The following MAST4 variants were observed in gnomAD, a reference collection of about 807,000 sequenced individuals.
MAST4 encodes the protein microtubule-associated serine/threonine-protein kinase 4.
A neutral mutation model predicts 162.7 loss-of-function variants in MAST4; 89 were observed. The ratio of observed to expected loss-of-function variants is 0.55; its 90% CI spans 0.46 to 0.65. The LOEUF is 0.65. MAST4 is among the 30% of genes least tolerant of loss of function. The pLI is 0.00. For missense variants in MAST4, 3,153 were observed against 3,374.0 expected (o/e 0.93, Z 1.62); for synonymous variants, 1,479 against 1,361.1 (o/e 1.09, Z -1.91).
In MAST4 at chr5:67,163,367, A is replaced by G. The variant is rs1393153897; in HGVS notation, c.4188A>G (p.Pro1396=). ...AACCCACCTCCCCGCAGCGGTCACC[A>G]TCCCCTCTTCTGGGACACTCACTGG... ...TPQPTSPQRS[P]SPLLGHSLGN... Residue 1396 remains proline (P), a synonymous_variant, in exon 29 of 29, where the codon CCA becomes CCG. Coordinates refer to ENST00000403625, the MANE Select transcript of MAST4 (RefSeq NM_001164664.2). This position sits in a 1 kb window ranked among gnomAD's most constrained non-coding sequence, Gnocchi z 7.0. 3 of 1,612,514 alleles carry G rather than the reference A, an allele frequency of 1.9e-6. No homozygotes were observed. The South Asian group carries it at 3.3e-5, about 18-fold the overall frequency.
chr5:66,964,488 CT>C (rs1473027110), intron 4 of MAST4, among the ~76,000 whole-genome samples: 3 of 152,172 alleles, frequency 2.0e-5, no homozygotes, highest in Non-Finnish European at 4.4e-5. Flanking sequence ...CCCAGCGTCC[CT>C]TTCCCCTTTT....
intron 3 of MAST4, among the ~76,000 whole-genome samples, chr5:66,885,151 G>A (rs1761958738): frequency 6.6e-6 from 1 of 152,150 alleles, no homozygotes; most frequent in Admixed American, 6.5e-5. Context: ...TTTTCAAAAC[G>A]TTTCTCAGTC....
intron 3 of MAST4, among the ~76,000 whole-genome samples, chr5:66,811,605 C>G (rs1756482913): frequency 6.6e-6 from 1 of 152,136 alleles, no homozygotes; most frequent in Non-Finnish European, 1.5e-5. Context: ...ATAATACATT[C>G]TGGGTAGGTT....
intron 4 of MAST4, among the ~76,000 whole-genome samples, chr5:66,995,712 A>T (rs1344310500): frequency 6.6e-6 from 1 of 151,988 alleles, no homozygotes; most frequent in Non-Finnish European, 1.5e-5. Context: ...AAAATTTTTT[A>T]AATTTAAAAC....
chr5:66,764,084 T>C (rs1374335511), intron 2 of MAST4, among the ~76,000 whole-genome samples: 1 of 152,224 alleles, frequency 6.6e-6, no homozygotes, highest in African/African-American at 2.4e-5. Context: ...GCAACAGTAA[T>C]GTTGCATAAC....
chr5:66,959,099 A>C (rs1745669878), intron 4 of MAST4: 2 of 654,672 alleles, frequency 3.1e-6, no homozygotes, highest in Non-Finnish European at 5.6e-6. Context: ...TAGAGGTGGA[A>C]GGACCCAAAC....
chr5:66,644,693 G>A (rs527544570), intron 1 of MAST4, among the ~76,000 whole-genome samples: 1 of 151,678 alleles, frequency 6.6e-6, no homozygotes, highest in East Asian at 1.9e-4. Flanking sequence ...TGACCATGAG[G>A]GCACAGTTCT....
chr5:66,672,985 C>T (rs1038518606), intron 1 of MAST4, among the ~76,000 whole-genome samples: 12 of 152,166 alleles, frequency 7.9e-5, no homozygotes, highest in African/African-American at 2.2e-4. Context: ...ATCTGCTGAT[C>T]TGATTGGTAT....
intron 7 of MAST4, among the ~76,000 whole-genome samples, chr5:67,096,686 C>T (rs562823975): frequency 2.0e-5 from 3 of 152,200 alleles, no homozygotes; most frequent in South Asian, 2.1e-4. Flanking sequence ...AATAATATAA[C>T]GTAGATTTTC....
At chr5:66,941,988 C>T (rs1743423088) in intron 4 of MAST4, among the ~76,000 whole-genome samples, 1 of 151,624 alleles carries the variant, frequency 6.6e-6, no homozygotes, top group Non-Finnish European at 1.5e-5. Flanking sequence ...TTGTGGTGCC[C>T]CAAAACAGTG....
At chr5:66,856,240 C>T (rs915275062) in intron 3 of MAST4, among the ~76,000 whole-genome samples, 2 of 152,168 alleles carry the variant, frequency 1.3e-5, no homozygotes, top group South Asian at 4.1e-4. Flanking sequence ...CCCACTGTGG[C>T]TAAGGCTGAT....
intron 3 of MAST4, among the ~76,000 whole-genome samples, chr5:66,838,108 C>G (rs996922599): frequency 1.1e-4 from 16 of 151,484 alleles, no homozygotes; most frequent in African/African-American, 2.9e-4. Flanking sequence ...TGGTAGTGTC[C>G]AGGTGCAGTT....
chr5:66,816,208 T>C (rs1327749921), intron 3 of MAST4, among the ~76,000 whole-genome samples: 1 of 152,154 alleles, frequency 6.6e-6, no homozygotes, highest in Non-Finnish European at 1.5e-5. Context: ...TGAAACATTA[T>C]GAGATTTTTT....
intron 3 of MAST4, among the ~76,000 whole-genome samples, chr5:66,898,394 T>C (rs1762812733): frequency 6.6e-6 from 1 of 152,224 alleles, no homozygotes; most frequent in Non-Finnish European, 1.5e-5. Context: ...TTCTCAATGC[T>C]TATGGTAACC....
intron 3 of MAST4, among the ~76,000 whole-genome samples, chr5:66,848,552 A>G (rs993406205): frequency 6.6e-6 from 1 of 152,306 alleles, no homozygotes; most frequent in East Asian, 1.9e-4. Context: ...TGACAGTGAT[A>G]AATAGCTGAT....
chr5:67,160,416 C>T, intron 26 of MAST4, 40 bp from the exon 27 acceptor site: 1 of 1,579,962 alleles, frequency 6.3e-7, no homozygotes. Context: ...CTTGCTTCAT[C>T]ACAGCATTTC....
chr5:66,798,338 A>C (rs1157253817), intron 3 of MAST4, among the ~76,000 whole-genome samples: 1 of 152,194 alleles, frequency 6.6e-6, no homozygotes, highest in African/African-American at 2.4e-5. Context: ...ATGAGTGCTA[A>C]GTAGTGGCAG....
intron 3 of MAST4, among the ~76,000 whole-genome samples, chr5:66,877,083 C>G (rs1761353496): frequency 6.6e-6 from 1 of 152,070 alleles, no homozygotes; most frequent in African/African-American, 2.4e-5. Flanking sequence ...AGGGGAGGGC[C>G]TAGGACTGGA....
At chr5:67,075,318 G>T (rs115188986) in intron 5 of MAST4, among the ~76,000 whole-genome samples, 184 of 151,892 alleles carry the variant, frequency 1.2e-3, no homozygotes, top group African/African-American at 4.2e-3. Flanking sequence ...AACTACAGGC[G>T]TGTACCACCA....
Sources: allele counts gnomAD v4.1 joint callset (sites outside exome capture counted in the v4.1 genomes callset), GRCh38; gene constraint gnomAD v4.1.1; non-coding constraint Gnocchi (gnomAD v3.1); transcripts MANE v1.5; gene names NCBI Gene and HGNC (gene_info 2026-07-23, HGNC 2026-07-21).